The following VOPP1 variants were observed in gnomAD, a reference collection of about 807,000 sequenced individuals.
VOPP1 encodes WW domain binding protein VOPP1.
VOPP1 carries 8 observed loss-of-function variants against 23.5 expected under a neutral mutation model. The observed-to-expected ratio is 0.34, with a 90% CI of 0.20 to 0.61. VOPP1 has a LOEUF of 0.61. Ranked by LOEUF, VOPP1 falls within the 20% of genes least tolerant of loss-of-function variation. The probability of loss-of-function intolerance (pLI) is 0.78; values close to 1 mark genes in which losing one functional copy is unlikely to be tolerated. For synonymous variants in VOPP1, 83 were observed against 97.3 expected (o/e 0.85, Z 0.86); for missense variants, 174 against 238.1 (o/e 0.73, Z 1.77).
rs570924730 is a variant in VOPP1, at chr7:55,472,919, G to A, written c.455C>T (p.Pro152Leu). ...CGTGTTGCAGTAGGCTGGAGGGGGC[G>A]GGCAGGCCACACTCCCCTGGGGTGA... ...PNSPQGSVACPPPPAYCNTPP... is the reference protein window; with the variant it reads ...PNSPQGSVACLPPPAYCNTPP... The change falls in exon 5 of 5, where the codon CCG becomes CTG. Residue 152 changes from proline (P) to leucine (L), a missense_variant. By Grantham distance (98) the Pro-to-Leu change is moderately conservative. Transcript: ENST00000285279. The A allele has an allele frequency of 2.1e-4, 329 of 1,542,406 alleles. 1 individual carries two copies. Among genetic ancestry groups the A allele is most frequent in the Admixed American group, 2.7e-4 (12 of 44,420 alleles).
rs371628126 is a variant in VOPP1, at chr7:55,446,727, T to C, written n.418-10553A>G. 2.6e-4 allele frequency among the ~76,000 whole-genome samples: 39 copies of C among 152,318 alleles called. No individual in the cohort carries two copies. In the South Asian group the frequency reaches 7.1e-3, roughly 28 times the overall value. On this transcript the variant is annotated intron_variant and non_coding_transcript_variant, in intron 4 of 4. Coordinates refer to the VOPP1 transcript ENST00000462326. Reference sequence around the variant, plus strand: ...GGCAACTGACATCAGTTGGTACTACTAACAATCATAAAATTATGTTATGAG... The same window carrying C: ...GGCAACTGACATCAGTTGGTACTACCAACAATCATAAAATTATGTTATGAG...
intron 1 of VOPP1, among the ~76,000 whole-genome samples, chr7:55,546,745 C>T (rs779186643): frequency 1.3e-5 from 2 of 152,228 alleles, no homozygotes; most frequent in African/African-American, 2.4e-5. Context: ...CGACCACCAC[C>T]ACCCCTGAAT....
intron 1 of VOPP1, among the ~76,000 whole-genome samples, chr7:55,544,285 C>T (rs1797268121): frequency 6.6e-6 from 1 of 152,156 alleles, no homozygotes; most frequent in Non-Finnish European, 1.5e-5. Flanking sequence ...AAGATTTTAG[C>T]TGACCAAAAG....
At chr7:55,492,151 A>T in intron 4 of VOPP1, 131 bp downstream of exon 4, 1 of 1,307,438 alleles carries the variant, frequency 7.6e-7, no homozygotes, top group Non-Finnish European at 1.0e-6. Flanking sequence ...GCTGGTCATC[A>T]GAACTAAAAA....
intron 4 of VOPP1, among the ~76,000 whole-genome samples, chr7:55,458,973 T>G (rs1345781375): frequency 6.6e-6 from 1 of 152,222 alleles, no homozygotes. Flanking sequence ...GAAGAAGGTC[T>G]TTCAGCTTTT....
rs776241611 is a variant in VOPP1 at position 55,521,065 on chromosome 7, T to C, written c.113+7A>G. On this transcript the variant is annotated splice_region_variant and intron_variant, in intron 2 of 4. Coordinates refer to ENST00000285279, the MANE Select transcript of VOPP1 (RefSeq NM_030796.5). Reference sequence around the variant, plus strand: ...GAATGAAACCACAGAAAGGTGCAAATACTTACATATAATAGGTTGGATAGA... The same window carrying C: ...GAATGAAACCACAGAAAGGTGCAAACACTTACATATAATAGGTTGGATAGA... 4 of 1,571,108 alleles carry C rather than the reference T, an allele frequency of 2.5e-6. No homozygotes were observed. The highest frequency in any genetic ancestry group is 2.7e-5 in the African/African-American group (2 of 74,058).
exon 5 of VOPP1, chr7:55,436,076 C>G (rs1790814687): frequency 6.6e-6 from 1 of 152,482 alleles, no homozygotes; most frequent in East Asian, 1.9e-4. Context: ...CAGCAGGAGG[C>G]GGACCAAAGG....
chr7:55,513,359 C>A (rs900957741), intron 2 of VOPP1, among the ~76,000 whole-genome samples: 2 of 152,180 alleles, frequency 1.3e-5, no homozygotes, highest in African/African-American at 2.4e-5. Flanking sequence ...CTATCTTCCC[C>A]TTATCCAGCG....
chr7:55,550,575 A>T (rs1797562377), intron 1 of VOPP1, among the ~76,000 whole-genome samples: 3 of 152,222 alleles, frequency 2.0e-5, no homozygotes, highest in African/African-American at 7.2e-5. Flanking sequence ...AAATGTACAA[A>T]GATGTTCATT....
At chr7:55,543,398 A>G (rs1318086642) in intron 1 of VOPP1, among the ~76,000 whole-genome samples, 1 of 152,164 alleles carries the variant, frequency 6.6e-6, no homozygotes, top group Non-Finnish European at 1.5e-5. Context: ...CCTTGGAGAA[A>G]TGTGTGTCCA....
At chr7:55,504,622 G>C (rs1794589759) in intron 2 of VOPP1, among the ~76,000 whole-genome samples, 1 of 152,226 alleles carries the variant, frequency 6.6e-6, no homozygotes. Context: ...CAAGGCCCCA[G>C]GGCAAGTGCC....
chr7:55,561,729 A>T, intron 1 of VOPP1: 1 of 468,116 alleles, frequency 2.1e-6, no homozygotes, highest in South Asian at 3.0e-5. Context: ...AGAAGAATTC[A>T]CAGACTGCTC....
chr7:55,531,526 A>G (rs982013509), intron 1 of VOPP1, among the ~76,000 whole-genome samples: 21 of 151,982 alleles, frequency 1.4e-4, no homozygotes, highest in African/African-American at 5.1e-4. Flanking sequence ...ATTTTTTTGT[A>G]TTTTTAGTAG....
At chr7:55,551,997 G>A (rs925265988) in intron 1 of VOPP1, among the ~76,000 whole-genome samples, 6 of 146,712 alleles carry the variant, frequency 4.1e-5, no homozygotes, top group African/African-American at 1.5e-4. Context: ...CCTGCAGCCT[G>A]GGCAACAAGA....
At chr7:55,535,955 A>G (rs143189013) in intron 1 of VOPP1, among the ~76,000 whole-genome samples, 1,669 of 152,194 alleles carry the variant, frequency 0.011, 11 homozygotes, top group Middle Eastern at 0.02. Context: ...ACTCTTTCCT[A>G]CACCTGACCC....
At chr7:55,555,050 T>C (rs945864588) in intron 1 of VOPP1, among the ~76,000 whole-genome samples, 1 of 152,178 alleles carries the variant, frequency 6.6e-6, no homozygotes, top group African/African-American at 2.4e-5. Context: ...ACCACTACAA[T>C]GAATCATGCC....
In VOPP1 at chr7:55,470,856, C is replaced by A. The variant is rs1309342939; in HGVS notation, c.*1999G>T. 6.6e-6 allele frequency: 1 copy of A among 152,072 alleles called. No homozygotes were observed. Among genetic ancestry groups the A allele is most frequent in the Non-Finnish European group, 1.5e-5 (1 of 67,964 alleles). The allele number at this position is 152,072 out of a possible 1,614,324, so 9.4% of individuals were successfully genotyped here. A position where few individuals can be genotyped will look rare whatever the true frequency, so the allele number is the denominator to read the frequency against. On this transcript the variant is annotated 3_prime_UTR_variant, in exon 5 of 5. Transcript: ENST00000285279. ...GCCAGGAAATGTCACCGAAGTGGGA[C>A]TTCCATATGCAGGATCAGCGTTCAC...
In VOPP1 at chr7:55,507,530, C is replaced by A. The variant is rs567684168; in HGVS notation, c.114-9840G>T. 4.6e-5 allele frequency among the ~76,000 whole-genome samples: 7 copies of A among 152,248 alleles called. No homozygotes were observed. In the South Asian group the frequency reaches 1.5e-3, roughly 32 times the overall value. On this transcript the variant is annotated intron_variant, in intron 2 of 4. Coordinates refer to ENST00000285279, the MANE Select transcript of VOPP1 (RefSeq NM_030796.5). ...GATACCACCACAATGAAAGTCTAGG[C>A]ATAATCTGATTACTTGTAATATTGT...
chr7:55,561,981 G>A (rs1467049882), intron 1 of VOPP1: 3 of 703,494 alleles, frequency 4.3e-6, no homozygotes, highest in African/African-American at 3.5e-5. Flanking sequence ...AGGACCCACA[G>A]TAGTCGGTTC....
Sources: gnomAD v4.1 joint callset for allele counts (sites outside exome capture counted in the v4.1 genomes callset) on GRCh38, gnomAD v4.1.1 for gene constraint, MANE v1.5 for transcripts, NCBI Gene and HGNC (gene_info 2026-07-23, HGNC 2026-07-21) for gene names.